The following CPNE5 variants were observed in gnomAD, a reference collection of about 807,000 sequenced individuals.
CPNE5 encodes the protein copine-5.
CPNE5 carries 42 observed loss-of-function variants against 81.1 expected under a neutral mutation model. The observed-to-expected ratio is 0.52, with a 90% CI of 0.40 to 0.67. The LOEUF is 0.67. CPNE5 is among the 30% of genes least tolerant of loss of function. The probability of loss-of-function intolerance (pLI) is 0.00; values close to 1 mark genes in which losing one functional copy is unlikely to be tolerated. For synonymous variants in CPNE5, 313 were observed against 321.5 expected (o/e 0.97, Z 0.28); for missense variants, 612 against 815.5 (o/e 0.75, Z 3.04).
At chr6:36,795,817 A>T (rs904237207) in intron 6 of CPNE5, among the ~76,000 whole-genome samples, 1 of 152,226 alleles carries the variant, frequency 6.6e-6, no homozygotes. Flanking sequence ...GGCCCAAAAT[A>T]GATGCCCAGT....
At chr6:36,782,864 CACACAA>C (rs905865296) in intron 8 of CPNE5, among the ~76,000 whole-genome samples, 1 of 143,830 alleles carries the variant, frequency 7.0e-6, no homozygotes, top group African/African-American at 2.5e-5. Context: ...CACACACACA[CACACAA>C]AACGGCACAA....
intron 16 of CPNE5, 79 bp from the exon 17 acceptor site, chr6:36,745,594 G>A: frequency 6.7e-7 from 1 of 1,482,614 alleles, no homozygotes; most frequent in Admixed American, 2.1e-5. Flanking sequence ...GAGTCCAGGT[G>A]GGGAGGCCAG....
intron 3 of CPNE5, among the ~76,000 whole-genome samples, chr6:36,812,448 G>A (rs911387147): frequency 3.9e-5 from 6 of 152,188 alleles, no homozygotes; most frequent in South Asian, 2.1e-4. Flanking sequence ...CCTGAGCACA[G>A]GCAGGCACTG....
At chr6:36,807,011 G>C (rs1021472107) in intron 3 of CPNE5, among the ~76,000 whole-genome samples, 2 of 152,238 alleles carry the variant, frequency 1.3e-5, no homozygotes, top group South Asian at 4.1e-4. Context: ...TCCTAAATAA[G>C]AGTCAGGGTT....
intron 3 of CPNE5, among the ~76,000 whole-genome samples, chr6:36,811,282 A>T (rs1771079887): frequency 6.6e-6 from 1 of 152,156 alleles, no homozygotes; most frequent in Non-Finnish European, 1.5e-5. Flanking sequence ...ACTCCAAAAC[A>T]TCGATAGCTC....
rs770775148 is a variant in CPNE5, at chr6:36,742,371, G to T, written c.1679C>A (p.Ala560Glu). 10 of 1,613,628 alleles carry T rather than the reference G, an allele frequency of 6.2e-6. No homozygotes were observed. Among genetic ancestry groups the T allele is most frequent in the Middle Eastern group, 1.7e-4 (1 of 6,060 alleles). ...IPDQLVSYMK[A>E]QGIRPRPPPA... ...TGGGGGACGCGGGCGAATGCCCTGTGCCTTCATGTAGGACACCAGTTGGTC... is the reference window on the plus strand; with the variant it reads ...TGGGGGACGCGGGCGAATGCCCTGTTCCTTCATGTAGGACACCAGTTGGTC... Residue 560 changes from alanine to glutamate, a missense_variant, in exon 21 of 21, where the codon GCA becomes GAA. Ala to Glu is a moderately radical substitution (Grantham distance 107). Coordinates refer to ENST00000244751, the MANE Select transcript of CPNE5 (RefSeq NM_020939.2).
chr6:36,752,888 A>G (rs1198686339), intron 14 of CPNE5, 146 bp downstream of exon 14: 3 of 620,900 alleles, frequency 4.8e-6, no homozygotes, highest in Admixed American at 2.5e-5. Flanking sequence ...TCTCAGCCCA[A>G]ACACCAGGGT....
intron 1 of CPNE5, chr6:36,838,890 G>A (rs866543514): frequency 4.5e-6 from 1 of 223,296 alleles, no homozygotes; most frequent in African/African-American, 2.3e-5. Flanking sequence ...GGGTGGACGA[G>A]CCTGGGAGGG....
chr6:36,780,162 A>G (rs867282057), intron 8 of CPNE5, among the ~76,000 whole-genome samples: 3 of 151,982 alleles, frequency 2.0e-5, no homozygotes, highest in South Asian at 4.2e-4. Context: ...ATGGGGTTTC[A>G]CTGTGTTAGC....
intron 3 of CPNE5, among the ~76,000 whole-genome samples, chr6:36,802,608 C>T (rs571264236): frequency 6.6e-6 from 1 of 152,226 alleles, no homozygotes; most frequent in South Asian, 2.1e-4. Flanking sequence ...TCTTAATAAT[C>T]TTGAGTGTCA....
intron 11 of CPNE5, 131 bp from the exon 12 acceptor site, chr6:36,763,123 C>T: frequency 1.3e-6 from 1 of 776,710 alleles, no homozygotes; most frequent in South Asian, 1.5e-5. Context: ...CACACGCCAG[C>T]AGACAGGCTG....
intron 10 of CPNE5, 27 bp from the exon 11 acceptor site, chr6:36,765,403 T>C (rs1193728768): frequency 1.2e-6 from 2 of 1,614,086 alleles, no homozygotes; most frequent in Non-Finnish European, 1.7e-6. Context: ...TTTGCTGGGA[T>C]GGGCCCAACC....
chr6:36,779,961 C>G (rs1372165963), intron 8 of CPNE5, among the ~76,000 whole-genome samples: 3 of 141,180 alleles, frequency 2.1e-5, no homozygotes, highest in South Asian at 2.4e-4. Flanking sequence ...ACACATCCCC[C>G]CTTCCTATTT....
intron 11 of CPNE5, among the ~76,000 whole-genome samples, chr6:36,763,499 A>G (rs976836551): frequency 4.9e-4 from 74 of 151,366 alleles, no homozygotes; most frequent in African/African-American, 1.7e-3. Context: ...GCTACTCCAG[A>G]GGCTGAGGCA....
chr6:36,774,552 A>C (rs1767329140), intron 10 of CPNE5, among the ~76,000 whole-genome samples: 1 of 152,188 alleles, frequency 6.6e-6, no homozygotes, highest in African/African-American at 2.4e-5. Flanking sequence ...CCCTGCTGCC[A>C]TCTGCTCCTC....
At chr6:36,745,539 C>T in intron 16 of CPNE5, 24 bp from the exon 17 acceptor site, 1 of 1,591,648 alleles carries the variant, frequency 6.3e-7, no homozygotes, top group Non-Finnish European at 8.6e-7. Context: ...GGCAGGGAGG[C>T]TGAGCCCAGG....
At chr6:36,781,589 G>A (rs1280177250) in intron 8 of CPNE5, among the ~76,000 whole-genome samples, 2 of 152,098 alleles carry the variant, frequency 1.3e-5, no homozygotes, top group Non-Finnish European at 2.9e-5. Flanking sequence ...TTCTAATCCC[G>A]TCCCATGCTG....
chr6:36,792,375 T>G, intron 7 of CPNE5: 1 of 1,488,270 alleles, frequency 6.7e-7, no homozygotes, highest in Non-Finnish European at 9.0e-7. Context: ...GTCCTAGAAT[T>G]GGAAAAGCAT....
At chr6:36,809,615 C>T (rs1261319306) in intron 3 of CPNE5, among the ~76,000 whole-genome samples, 1 of 151,780 alleles carries the variant, frequency 6.6e-6, no homozygotes, top group Non-Finnish European at 1.5e-5. Flanking sequence ...AAAGCCAAAA[C>T]AACAACCAAA....
Sources: gnomAD v4.1 joint callset for allele counts (sites outside exome capture counted in the v4.1 genomes callset) on GRCh38, gnomAD v4.1.1 for gene constraint, MANE v1.5 for transcripts, NCBI Gene and HGNC (gene_info 2026-07-23, HGNC 2026-07-21) for gene names.